Variants in FRMD4A observed in about 807,000 individuals in gnomAD.
FRMD4A encodes FERM domain-containing protein 4A.
FRMD4A carries 29 observed loss-of-function variants against 129.1 expected under a neutral mutation model. The ratio of observed to expected loss-of-function variants is 0.22; its 90% CI spans 0.17 to 0.31. The LOEUF (loss-of-function observed/expected upper bound fraction) is 0.31. Among genes scored for constraint, FRMD4A ranks in the 10% least tolerant of loss-of-function variants. The pLI, the probability that FRMD4A is intolerant of heterozygous loss-of-function variation, is 1.00. For synonymous variants in FRMD4A, 634 were observed against 571.6 expected (o/e 1.11, Z -1.56); for missense variants, 1,272 against 1,375.8 (o/e 0.92, Z 1.19).
intron 2 of FRMD4A, among the ~76,000 whole-genome samples, chr10:13,925,526 C>G (rs1305635048): frequency 7.6e-6 from 1 of 131,330 alleles, no homozygotes; most frequent in Non-Finnish European, 1.6e-5. Flanking sequence ...TTCAGTGTAA[C>G]AATATCGGGC....
intron 5 of FRMD4A, among the ~76,000 whole-genome samples, chr10:13,785,553 C>A (rs2092832637): frequency 6.6e-6 from 1 of 152,050 alleles, no homozygotes; most frequent in African/African-American, 2.4e-5. Context: ...CATCTCAAAG[C>A]AAAATAAATT....
chr10:13,675,992 T>C (rs1293334565), intron 15 of FRMD4A: 1 of 152,110 alleles, frequency 6.6e-6, no homozygotes, highest in Non-Finnish European at 1.5e-5. Context: ...TTTAACATAC[T>C]TTTCCTGGGT....
intron 2 of FRMD4A, among the ~76,000 whole-genome samples, chr10:14,269,354 C>T (rs73603217): frequency 0.013 from 2,047 of 152,196 alleles, 49 homozygotes; most frequent in African/African-American, 0.046. Context: ...TTAAACAACC[C>T]GACCGTATTA....
At chr10:14,249,464 A>G (rs942721767) in intron 2 of FRMD4A, among the ~76,000 whole-genome samples, 2 of 152,174 alleles carry the variant, frequency 1.3e-5, no homozygotes, top group Admixed American at 6.5e-5. Flanking sequence ...GTCTTACTCT[A>G]GGGCCCACAT....
At chr10:13,742,539 C>T (rs2091068895) in intron 9 of FRMD4A, among the ~76,000 whole-genome samples, 1 of 152,154 alleles carries the variant, frequency 6.6e-6, no homozygotes, top group Admixed American at 6.5e-5. Context: ...ATTTTTGAGA[C>T]AAGGTTTTGC....
chr10:13,787,601 C>G (rs918562890), intron 5 of FRMD4A, among the ~76,000 whole-genome samples: 1 of 152,104 alleles, frequency 6.6e-6, no homozygotes, highest in Non-Finnish European at 1.5e-5. Flanking sequence ...GCTGGGACTA[C>G]AGATATAAGC....
At chr10:13,864,974 G>C (rs1455280912) in intron 2 of FRMD4A, among the ~76,000 whole-genome samples, 1 of 152,004 alleles carries the variant, frequency 6.6e-6, no homozygotes, top group East Asian at 1.9e-4. Context: ...GTTTCATTTG[G>C]GTTTTTATTT....
chr10:13,738,358 G>A (rs1459375967), intron 11 of FRMD4A, among the ~76,000 whole-genome samples: 1 of 152,164 alleles, frequency 6.6e-6, no homozygotes, highest in Admixed American at 6.5e-5. Flanking sequence ...TGTCATCGAT[G>A]GTCAGAGCCA....
Position 14,330,687 on chromosome 10 carries a change from G to T in FRMD4A, c.-172C>A. Reference sequence around the variant, plus strand: ...ATCTGGGAGTGAGACAGCCGAGTCTGACCATGAGGCACCAGGCAGTCACTG... The same window carrying T: ...ATCTGGGAGTGAGACAGCCGAGTCTTACCATGAGGCACCAGGCAGTCACTG... On this transcript the variant is annotated 5_prime_UTR_variant, in exon 1 of 25. Transcript: ENST00000357447. The T allele has an allele frequency of 2.5e-6, 1 of 398,562 alleles. No homozygotes were observed. Among genetic ancestry groups the T allele is most frequent in the South Asian group, 1.3e-4 (1 of 7,626 alleles). 24.7% of individuals were successfully genotyped at this position (398,562 alleles called of 1,614,324 possible). A position where few individuals can be genotyped will look rare whatever the true frequency, so the allele number is the denominator to read the frequency against.
chr10:14,162,620 G>A (rs1840951281), intron 2 of FRMD4A, among the ~76,000 whole-genome samples: 1 of 146,738 alleles, frequency 6.8e-6, no homozygotes, highest in Non-Finnish European at 1.5e-5. Flanking sequence ...CACGAGTCTT[G>A]AGTTTCTCTG....
chr10:13,757,989 C>T (rs2091931259), intron 8 of FRMD4A, among the ~76,000 whole-genome samples: 3 of 152,226 alleles, frequency 2.0e-5, no homozygotes, highest in Admixed American at 2.0e-4. Context: ...GGTGATTCAC[C>T]TGCCTTGGCC....
At chr10:14,301,856 T>A (rs947485305) in intron 2 of FRMD4A, among the ~76,000 whole-genome samples, 2 of 152,118 alleles carry the variant, frequency 1.3e-5, no homozygotes, top group Admixed American at 1.3e-4. Context: ...TAAATAGAAA[T>A]TGCCTGAAGA....
intron 2 of FRMD4A, among the ~76,000 whole-genome samples, chr10:14,207,686 CCA>C (rs56740311): frequency 0.082 from 11,986 of 145,498 alleles, 813 homozygotes; most frequent in African/African-American, 0.19. Context: ...TCCTAGGTAA[CCA>C]CACACACACA....
At chr10:14,056,983 G>C (rs1191495044) in intron 2 of FRMD4A, among the ~76,000 whole-genome samples, 1 of 152,138 alleles carries the variant, frequency 6.6e-6, no homozygotes, top group Non-Finnish European at 1.5e-5. Flanking sequence ...GGTCTGGCAG[G>C]CTATGTTTTT....
intron 2 of FRMD4A, among the ~76,000 whole-genome samples, chr10:14,265,525 C>T (rs1844948140): frequency 6.6e-6 from 1 of 152,094 alleles, no homozygotes; most frequent in Admixed American, 6.5e-5. Context: ...AAACAAGGAC[C>T]CATGTACACA....
intron 2 of FRMD4A, among the ~76,000 whole-genome samples, chr10:14,124,590 C>G (rs1229717632): frequency 6.6e-6 from 1 of 152,166 alleles, no homozygotes; most frequent in Non-Finnish European, 1.5e-5. Flanking sequence ...GCAGGAGAAT[C>G]TCGTGAACCC....
intron 20 of FRMD4A, 136 bp downstream of exon 20, chr10:13,660,180 C>G: frequency 1.6e-6 from 1 of 630,420 alleles, no homozygotes; most frequent in East Asian, 2.7e-5. Flanking sequence ...AGCACGGCCC[C>G]GTGAAAGGCA....
intron 9 of FRMD4A, among the ~76,000 whole-genome samples, chr10:13,742,659 G>A (rs113634292): frequency 6.6e-6 from 1 of 152,134 alleles, no homozygotes; most frequent in South Asian, 2.1e-4. Flanking sequence ...TGGGATTATA[G>A]GTGTGCACCA....
At chr10:13,838,991 C>CTTTTTT (rs373871027) in intron 3 of FRMD4A, among the ~76,000 whole-genome samples, 4 of 95,700 alleles carry the variant, frequency 4.2e-5, no homozygotes, top group East Asian at 3.3e-4. Context: ...GAATAATTTC[C>CTTTTTT]TTTTTTTTTT....
Sources: allele counts gnomAD v4.1 joint callset (sites outside exome capture counted in the v4.1 genomes callset), GRCh38; gene constraint gnomAD v4.1.1; transcripts MANE v1.5; gene names NCBI Gene and HGNC (gene_info 2026-07-23, HGNC 2026-07-21).